Variants in NBEAL1 observed in about 807,000 individuals in gnomAD.
NBEAL1 encodes the protein neurobeachin like 1, also known as neurobeachin-like protein 1.
A neutral mutation model predicts 351.3 loss-of-function variants in NBEAL1; 273 were observed. That is an observed-to-expected ratio of 0.78 (90% CI 0.70 to 0.86). The LOEUF is 0.86. Ranked by LOEUF, NBEAL1 falls within the 40% of genes least tolerant of loss-of-function variation. The pLI is 0.00. For synonymous variants in NBEAL1, 1,050 were observed against 1,086.4 expected, an observed-to-expected ratio of 0.97 and a Z score of 0.66; for missense variants, 2,961 against 3,201.3, an observed-to-expected ratio of 0.92 and a Z score of 1.81.
chr2:203,049,876 T>A lies in NBEAL1; in HGVS notation c.206T>A (p.Ile69Asn). The A allele has an allele frequency of 6.4e-7, 1 of 1,556,778 alleles. No homozygotes were observed. Among genetic ancestry groups the A allele is most frequent in the South Asian group, 1.2e-5 (1 of 84,586 alleles). Residue 69 changes from isoleucine (I) to asparagine (N), a missense_variant, in exon 4 of 56, where the codon ATC becomes AAC. Physicochemically the swap from Ile to Asn is moderately radical, Grantham distance 149. Coordinates refer to ENST00000683969, the MANE Select transcript of NBEAL1 (RefSeq NM_001378026.1). ...LPDNILQVLRIQLLQCVQKMA... is the reference protein window; with the variant it reads ...LPDNILQVLRNQLLQCVQKMA... ...GATAATATTCTGCAGGTTCTGAGGA[T>A]CCAGCTTCTACAGTGTGTTCAGAAA...
At chr2:203,100,939 A>G (rs1162415405) in intron 12 of NBEAL1, among the ~76,000 whole-genome samples, 2 of 152,140 alleles carry the variant, frequency 1.3e-5, no homozygotes, top group Admixed American at 6.5e-5. Context: ...TAAGTGCCTT[A>G]TAGATTCTGG....
chr2:203,202,825 C>A, intron 51 of NBEAL1, 44 bp downstream of exon 51: 2 of 1,085,530 alleles, frequency 1.8e-6, no homozygotes, highest in Non-Finnish European at 2.8e-6. Flanking sequence ...CAGAGATTCA[C>A]CCTGAGAATA....
intron 15 of NBEAL1, among the ~76,000 whole-genome samples, chr2:203,110,554 G>A (rs898369550): frequency 2.6e-5 from 4 of 151,338 alleles, no homozygotes; most frequent in South Asian, 2.1e-4. Context: ...TGTGCCTGTG[G>A]TCCCAGCCAC....
intron 8 of NBEAL1, among the ~76,000 whole-genome samples, chr2:203,078,062 G>A (rs941754545): frequency 2.6e-5 from 4 of 152,002 alleles, no homozygotes; most frequent in East Asian, 3.9e-4. Context: ...ACAATTTTTG[G>A]TATTGTAAGT....
At position 203,034,563 on chromosome 2, in the gene NBEAL1, A is replaced by G. The variant is rs560918701; in HGVS notation, c.52-7202A>G. 2.1e-5 allele frequency among the ~76,000 whole-genome samples: 3 copies of G among 143,006 alleles called. 1 individual carries two copies. The Admixed American group carries it at 2.1e-4, about 10-fold the overall frequency. 93.8% of individuals were successfully genotyped at this position (143,006 alleles called of 152,430 possible). A position where few individuals can be genotyped will look rare whatever the true frequency, so the allele number is the denominator to read the frequency against. On this transcript the variant is annotated intron_variant, in intron 2 of 55. Transcript: ENST00000683969. Reference sequence around the variant, plus strand: ...AACCTCCACCTCCCATGTTCAAGCAACTCTCCTGCCTCAGCCTCCCGAGTA... The same window carrying G: ...AACCTCCACCTCCCATGTTCAAGCAGCTCTCCTGCCTCAGCCTCCCGAGTA...
At chr2:203,061,580 T>C (rs1437101405) in intron 6 of NBEAL1, 1 of 153,198 alleles carries the variant, frequency 6.5e-6, no homozygotes, top group Non-Finnish European at 1.5e-5. Flanking sequence ...TTCTCCACTG[T>C]GAGCCCTTGT....
intron 19 of NBEAL1, among the ~76,000 whole-genome samples, chr2:203,123,120 C>T (rs2062863459): frequency 7.9e-6 from 1 of 126,424 alleles, no homozygotes; most frequent in African/African-American, 3.0e-5. Flanking sequence ...TATAAGAAGA[C>T]TTGCTGGTAA....
intron 8 of NBEAL1, among the ~76,000 whole-genome samples, chr2:203,081,641 T>A (rs1202149104): frequency 6.6e-6 from 1 of 152,222 alleles, no homozygotes; most frequent in Non-Finnish European, 1.5e-5. Context: ...GCCTCTGGGA[T>A]CTTCAGGGAT....
intron 17 of NBEAL1, among the ~76,000 whole-genome samples, 193 bp from the exon 18 acceptor site, chr2:203,115,792 G>C (rs899283890): frequency 6.6e-6 from 1 of 152,146 alleles, no homozygotes; most frequent in Admixed American, 6.6e-5. Context: ...AATGGAAATT[G>C]ATTTATTTCC....
At chr2:203,071,382 C>T (rs2061679097) in intron 7 of NBEAL1, among the ~76,000 whole-genome samples, 1 of 152,132 alleles carries the variant, frequency 6.6e-6, no homozygotes, top group Admixed American at 6.6e-5. Context: ...GGCACTAGTT[C>T]TCTTTGATCA....
rs1454569834 is a variant in NBEAL1, at chr2:203,222,989, A to G, written c.*5635A>G. Among the ~76,000 whole-genome samples the G allele has an allele frequency of 6.6e-6, 1 of 152,194 alleles. No individual in the cohort carries two copies. The highest frequency in any genetic ancestry group is 1.5e-5 in the Non-Finnish European group (1 of 68,004). ...AAGAAATGTAAGGCCATCCTAGAGT[A>G]TAGGAGTTACGTGATTTTCTTCTGT... On this transcript the variant is annotated 3_prime_UTR_variant, in exon 56 of 56. Transcript: ENST00000683969.
intron 2 of NBEAL1, among the ~76,000 whole-genome samples, chr2:203,032,932 T>G (rs1015191202): frequency 3.3e-5 from 5 of 151,884 alleles, no homozygotes; most frequent in African/African-American, 7.2e-5. Flanking sequence ...CCCAAAGTGC[T>G]GGGATTACAG....
At chr2:203,174,948 T>C (rs540482660) in intron 41 of NBEAL1, among the ~76,000 whole-genome samples, 199 bp from the exon 42 acceptor site, 125 of 152,114 alleles carry the variant, frequency 8.2e-4, no homozygotes, top group African/African-American at 2.8e-3. Context: ...ATTTTGTTGT[T>C]CAGAAAAAAG....
chr2:203,202,735 C>A lies in NBEAL1; in HGVS notation c.7460C>A (p.Ser2487Tyr). Residue 2487 changes from serine to tyrosine, a missense_variant, in exon 51 of 56, where the codon TCT (serine) becomes TAT (tyrosine). By Grantham distance (144) the Ser-to-Tyr change is moderately radical. Coordinates refer to ENST00000683969, the MANE Select transcript of NBEAL1 (RefSeq NM_001378026.1). ...ATDYCGIHLI[S>Y]GSRDTTCMIW... ...GATTACTGTGGAATACATTTGATTT[C>A]TGGTTCCAGAGATACTACATGTATG... 1 of 1,603,072 alleles carries A rather than the reference C, an allele frequency of 6.2e-7. No homozygotes were observed.
intron 37 of NBEAL1, 24 bp downstream of exon 37, chr2:203,166,321 T>C: frequency 1.3e-6 from 2 of 1,589,198 alleles, no homozygotes; most frequent in East Asian, 2.3e-5. Context: ...GAAAAAATAA[T>C]TTTTGCTGTT....
chr2:203,024,236 G>A (rs550384240), intron 2 of NBEAL1, among the ~76,000 whole-genome samples: 3 of 151,754 alleles, frequency 2.0e-5, no homozygotes, highest in Admixed American at 2.0e-4. Context: ...AAGTAGTCAG[G>A]GGTGTCAAAT....
At chr2:203,115,391 T>G (rs1483470362) in intron 17 of NBEAL1, among the ~76,000 whole-genome samples, 1 of 152,134 alleles carries the variant, frequency 6.6e-6, no homozygotes, top group Non-Finnish European at 1.5e-5. Context: ...CTCTAAGTGC[T>G]GAAATTACAG....
At chr2:203,107,385 A>G (rs2062461432) in intron 12 of NBEAL1, 35 bp from the exon 13 acceptor site, 3 of 1,062,542 alleles carry the variant, frequency 2.8e-6, no homozygotes, top group African/African-American at 1.6e-5. Context: ...AGTCTTTGAA[A>G]ATGTACTTTG....
At chr2:203,191,985 CAGT>C (rs796462727) in intron 46 of NBEAL1, among the ~76,000 whole-genome samples, 6 of 152,316 alleles carry the variant, frequency 3.9e-5, no homozygotes, top group African/African-American at 1.4e-4. Flanking sequence ...CTCTTGAATA[CAGT>C]ATTGAATTGA....
Sources: allele counts gnomAD v4.1 joint callset (sites outside exome capture counted in the v4.1 genomes callset), GRCh38; gene constraint gnomAD v4.1.1; transcripts MANE v1.5; gene names NCBI Gene and HGNC (gene_info 2026-07-23, HGNC 2026-07-21).